ITGA1: variants seen among roughly 807,000 people sequenced by gnomAD.
ITGA1 encodes integrin alpha-1.
ITGA1 carries 85 observed loss-of-function variants against 145.9 expected under a neutral mutation model. The ratio of observed to expected loss-of-function variants is 0.58; its 90% CI spans 0.49 to 0.70. The LOEUF (loss-of-function observed/expected upper bound fraction) is 0.70, where lower values mean the gene tolerates loss of function less well. Among genes scored for constraint, ITGA1 ranks in the 30% least tolerant of loss-of-function variants. ITGA1 has a pLI of 0.00. For missense variants in ITGA1, 1,351 were observed against 1,418.7 expected (o/e 0.95, Z 0.77); for synonymous variants, 520 against 495.3 (o/e 1.05, Z -0.66).
At chr5:52,952,343 G>C in intron 28 of ITGA1, 64 bp from the exon 29 acceptor site, 1 of 825,222 alleles carries the variant, frequency 1.2e-6, no homozygotes, top group Non-Finnish European at 1.9e-6. Context: ...TCTATCCAAA[G>C]GATTAATATT....
At position 52,958,051 on chromosome 5, in the gene ITGA1, C is replaced by T. The variant is rs759056460; in HGVS notation, c.*5600C>T. On this transcript the variant is annotated 3_prime_UTR_variant, in exon 29 of 29. Transcript: ENST00000282588. Reference sequence around the variant, plus strand: ...CTTGAAAAATCTCTCTATTGCATTACTTATCCTCACCCTTGTTTTTTAAGA... The same window carrying T: ...CTTGAAAAATCTCTCTATTGCATTATTTATCCTCACCCTTGTTTTTTAAGA... 1.7e-4 allele frequency: 26 copies of T among 152,156 alleles called. No individual in the cohort carries two copies. The highest frequency in any genetic ancestry group is 6.3e-4 in the African/African-American group (26 of 41,448). 9.4% of individuals were successfully genotyped at this position (152,156 alleles called of 1,614,324 possible).
rs1210170703 is a variant in ITGA1, at chr5:52,910,416, A to T, written c.1854A>T (p.Ala618=). 1.2e-6 allele frequency: 2 copies of T among 1,610,566 alleles called. No homozygotes were observed. The highest frequency in any genetic ancestry group is 2.7e-5 in the African/African-American group (2 of 74,828). ...GCAAGACTATAAGGAAAGAGTATGC[A>T]CAAGTAAGAATTGAAACCTACAGAT... ...GSGKTIRKEY[A]QRIPSGGDGK... The change falls in exon 14 of 29, where the codon GCA becomes GCT. Residue 618 remains alanine (A), a synonymous_variant. Coordinates refer to ENST00000282588, the MANE Select transcript of ITGA1 (RefSeq NM_181501.2).
chr5:52,890,467 C>A (rs554297785), intron 8 of ITGA1, among the ~76,000 whole-genome samples: 4 of 152,092 alleles, frequency 2.6e-5, no homozygotes, highest in Non-Finnish European at 4.4e-5. Flanking sequence ...AAAGTGTGCA[C>A]GAAGTGAACA....
At chr5:52,893,251 G>A (rs1044618434) in intron 8 of ITGA1, among the ~76,000 whole-genome samples, 6 of 152,130 alleles carry the variant, frequency 3.9e-5, no homozygotes, top group African/African-American at 1.4e-4. Context: ...ATAGTTTCAG[G>A]AAGAATTGCT....
Position 52,918,754 on chromosome 5 carries a change from A to C in ITGA1, c.2011A>C (p.Lys671Gln), listed in dbSNP as rs1292292903. 1 of 1,611,314 alleles carries C rather than the reference A, an allele frequency of 6.2e-7. No individual in the cohort carries two copies. The highest frequency in any genetic ancestry group is 1.3e-5 in the African/African-American group (1 of 74,896). Reference sequence around the variant, plus strand: ...TAGGTCCCGAGATGTGGCCGTAGTTAAAGTGACCATGAATTTTGAGCCAAA... The same window carrying C: ...TAGGTCCCGAGATGTGGCCGTAGTTCAAGTGACCATGAATTTTGAGCCAAA... ...LFWSRDVAVV[K>Q]VTMNFEPNKV... The change falls in exon 16 of 29, where the codon AAA becomes CAA. Residue 671 changes from lysine to glutamine, a missense_variant. Coordinates refer to ENST00000282588, the MANE Select transcript of ITGA1 (RefSeq NM_181501.2).
chr5:52,866,335 A>G (rs890003313), intron 6 of ITGA1, among the ~76,000 whole-genome samples: 2 of 150,760 alleles, frequency 1.3e-5, no homozygotes, highest in Non-Finnish European at 1.5e-5. Flanking sequence ...GTTATTTTCT[A>G]AACAGAAAAT....
chr5:52,922,683 G>T, intron 17 of ITGA1, 94 bp from the exon 18 acceptor site: 1 of 800,808 alleles, frequency 1.2e-6, no homozygotes, highest in Non-Finnish European at 2.1e-6. Context: ...GCTGCAGTAA[G>T]CCTGACCCTT....
chr5:52,947,972 A>C (rs1751160669), intron 28 of ITGA1, among the ~76,000 whole-genome samples: 1 of 152,132 alleles, frequency 6.6e-6, no homozygotes, highest in Non-Finnish European at 1.5e-5. Flanking sequence ...TTATGTAATA[A>C]ATTGTGTGCC....
At chr5:52,866,491 A>G (rs535075128) in intron 6 of ITGA1, among the ~76,000 whole-genome samples, 25 of 152,330 alleles carry the variant, frequency 1.6e-4, no homozygotes, top group African/African-American at 5.8e-4. Flanking sequence ...AACTAATCTG[A>G]CATCCCAAAC....
At chr5:52,851,779 A>G (rs1749435616) in intron 2 of ITGA1, among the ~76,000 whole-genome samples, 1 of 152,212 alleles carries the variant, frequency 6.6e-6, no homozygotes, top group African/African-American at 2.4e-5. Flanking sequence ...TTGTCTCTGA[A>G]AATATTTGTT....
chr5:52,895,191 A>G lies in ITGA1; in HGVS notation c.1090+1351A>G, dbSNP rs1014645773. On this transcript the variant is annotated intron_variant, in intron 9 of 28. Coordinates refer to ENST00000282588, the MANE Select transcript of ITGA1 (RefSeq NM_181501.2). ...TTAGAACATTTGATTTAGAGGTGAT[A>G]GGAATCTACAGGCCAGCCAGACTGA... Among the ~76,000 whole-genome samples, 7 of 152,268 alleles carry G rather than the reference A, an allele frequency of 4.6e-5. No individual in the cohort carries two copies. In the East Asian group the frequency reaches 1.4e-3, roughly 29 times the overall value.
intron 1 of ITGA1, among the ~76,000 whole-genome samples, chr5:52,841,855 T>C (rs1749257993): frequency 1.3e-5 from 2 of 152,116 alleles, no homozygotes; most frequent in South Asian, 4.1e-4. Context: ...GTTTATACCA[T>C]GTGAATGGGG....
At chr5:52,876,173 A>G (rs1330944381) in intron 6 of ITGA1, among the ~76,000 whole-genome samples, 8 of 152,048 alleles carry the variant, frequency 5.3e-5, no homozygotes, top group Admixed American at 5.2e-4. Flanking sequence ...TAATTCTCAT[A>G]CTTTATTTGA....
At position 52,930,473 on chromosome 5, in the gene ITGA1, A is replaced by G. The variant is rs756813963; in HGVS notation, c.2771+772A>G. ...AATTACTAAGGGCATGAAACTCCTC[A>G]TAGGGTAAGTATTACAGTAGGGGGT... On this transcript the variant is annotated intron_variant, in intron 21 of 28. Coordinates refer to ENST00000282588, the MANE Select transcript of ITGA1 (RefSeq NM_181501.2). 3.9e-5 allele frequency among the ~76,000 whole-genome samples: 6 copies of G among 152,316 alleles called. 1 individual carries two copies. Among genetic ancestry groups the G allele is most frequent in the Non-Finnish European group, 4.4e-5 (3 of 68,012 alleles).
At chr5:52,921,678 A>C (rs1287434157) in intron 17 of ITGA1, among the ~76,000 whole-genome samples, 4 of 152,218 alleles carry the variant, frequency 2.6e-5, no homozygotes, top group Non-Finnish European at 5.9e-5. Context: ...TGGTGTTTAA[A>C]GGACTGAAAT....
At chr5:52,849,640 T>G (rs542954703) in intron 2 of ITGA1, among the ~76,000 whole-genome samples, 155 bp downstream of exon 2, 1 of 138,572 alleles carries the variant, frequency 7.2e-6, no homozygotes, top group Non-Finnish European at 1.6e-5. Flanking sequence ...GAAGCTAACT[T>G]AAAGTAAAAA....
intron 1 of ITGA1, among the ~76,000 whole-genome samples, chr5:52,816,913 G>A (rs559261018): frequency 6.6e-6 from 1 of 152,284 alleles, no homozygotes; most frequent in East Asian, 1.9e-4. Flanking sequence ...TTTCTTTGCA[G>A]TAATATTTTC....
At chr5:52,883,600 T>A (rs889155429) in intron 7 of ITGA1, among the ~76,000 whole-genome samples, 1 of 152,228 alleles carries the variant, frequency 6.6e-6, no homozygotes, top group Non-Finnish European at 1.5e-5. Flanking sequence ...TTCTTTACCT[T>A]CATTTTCAGT....
chr5:52,831,580 T>A (rs1749071220), intron 1 of ITGA1, among the ~76,000 whole-genome samples: 1 of 151,468 alleles, frequency 6.6e-6, no homozygotes, highest in South Asian at 2.1e-4. Flanking sequence ...AAAATTGGCA[T>A]CACAATAACA....
Sources: allele counts gnomAD v4.1 joint callset (sites outside exome capture counted in the v4.1 genomes callset), GRCh38; gene constraint gnomAD v4.1.1; transcripts MANE v1.5; gene names NCBI Gene and HGNC (gene_info 2026-07-23, HGNC 2026-07-21).